USP25: variants seen among roughly 807,000 people sequenced by gnomAD.
The protein encoded by USP25 is ubiquitin carboxyl-terminal hydrolase 25.
A neutral mutation model predicts 158.5 loss-of-function variants in USP25; 85 were observed. That is an observed-to-expected ratio of 0.54 (90% CI 0.45 to 0.64). The LOEUF (loss-of-function observed/expected upper bound fraction) is 0.64, where lower values mean the gene tolerates loss of function less well. USP25 is among the 30% of genes least tolerant of loss of function. USP25 has a pLI of 0.00. For synonymous variants in USP25, 464 were observed against 460.4 expected, an observed-to-expected ratio of 1.01 and a Z score of -0.10; for missense variants, 1,242 against 1,327.3, an observed-to-expected ratio of 0.94 and a Z score of 1.00.
chr21:15,762,978 C>G lies in USP25; in HGVS notation c.123+10C>G, dbSNP rs369042618. ...ACAGCAAGCCTTGAAGGTATGGCCT[C>G]TGTTTTATGATATACAGTTTGTGGT... On this transcript the variant is annotated intron_variant, in intron 2 of 25. Coordinates refer to ENST00000400183, the MANE Select transcript of USP25 (RefSeq NM_001283041.3). 9.5e-5 allele frequency: 153 copies of G among 1,607,516 alleles called. No homozygotes were observed. The African/African-American group carries it at 1.8e-3, about 18-fold the overall frequency.
intron 4 of USP25, among the ~76,000 whole-genome samples, chr21:15,778,484 T>C (rs2034784941): frequency 6.6e-6 from 1 of 152,122 alleles, no homozygotes; most frequent in Admixed American, 6.5e-5. Context: ...TGAGCTTGGC[T>C]GTATCCTAAT....
intron 1 of USP25, among the ~76,000 whole-genome samples, chr21:15,738,097 C>G (rs558279408): frequency 6.6e-6 from 1 of 152,264 alleles, no homozygotes; most frequent in South Asian, 2.1e-4. Context: ...ATGCTCTCTT[C>G]TACTGAATTG....
intron 1 of USP25, among the ~76,000 whole-genome samples, chr21:15,759,353 T>C (rs2033587822): frequency 2.0e-5 from 3 of 152,196 alleles, no homozygotes; most frequent in Admixed American, 2.0e-4. Flanking sequence ...TTGCCAGGGT[T>C]AAGTACGTGC....
At chr21:15,849,234 T>G (rs2038775368) in intron 19 of USP25, among the ~76,000 whole-genome samples, 1 of 152,162 alleles carries the variant, frequency 6.6e-6, no homozygotes, top group African/African-American at 2.4e-5. Context: ...AGTTGTGTGT[T>G]TTGTCGTTTT....
intron 1 of USP25, among the ~76,000 whole-genome samples, chr21:15,746,129 C>G (rs1439906264): frequency 1.3e-5 from 2 of 152,150 alleles, no homozygotes; most frequent in African/African-American, 4.8e-5. Context: ...GTAAATTCTT[C>G]AACTTTGTTC....
chr21:15,773,908 A>G (rs1016398461), intron 3 of USP25, among the ~76,000 whole-genome samples: 22 of 152,206 alleles, frequency 1.4e-4, no homozygotes, highest in African/African-American at 5.3e-4. Flanking sequence ...AATGTCTGCC[A>G]TATTAGAGGA....
chr21:15,872,026 T>TG (rs1285731649), intron 23 of USP25, among the ~76,000 whole-genome samples: 5 of 147,498 alleles, frequency 3.4e-5, no homozygotes, highest in Admixed American at 6.7e-5. Flanking sequence ...TTTTTTTTTT[T>TG]TTTTTTTTTT....
In USP25 at chr21:15,849,781, T is replaced by C. The variant is rs1489325749; in HGVS notation, c.2456T>C (p.Met819Thr). The stretch of plus-strand genomic sequence containing the variant: ...GTTAACTATCTTCTGTGGCAGATCA[T>C]GATGACACCGAACATGCAAGGTATT... ...SKEGGYDDEI[M>T]MTPNMQGIIM... The change falls in exon 20 of 26, where the codon ATG becomes ACG. Residue 819 changes from methionine to threonine, a missense_variant. Met to Thr is a moderately conservative substitution (Grantham distance 81). Transcript: ENST00000400183. 6.5e-7 allele frequency: 1 copy of C among 1,533,456 alleles called. No homozygotes were observed. The highest frequency in any genetic ancestry group is 2.1e-5 in the Admixed American group (1 of 47,370). 95.0% of individuals were successfully genotyped at this position (1,533,456 alleles called of 1,614,324 possible).
intron 9 of USP25, among the ~76,000 whole-genome samples, chr21:15,815,925 TTG>T (rs1193713886): frequency 6.6e-6 from 1 of 152,148 alleles, no homozygotes; most frequent in Non-Finnish European, 1.5e-5. Context: ...CTGTGGACTT[TTG>T]GGTTAATGCT....
At chr21:15,778,995 A>G (rs2034810619) in intron 4 of USP25, among the ~76,000 whole-genome samples, 1 of 152,150 alleles carries the variant, frequency 6.6e-6, no homozygotes, top group South Asian at 2.1e-4. Context: ...TTTCTTTCCA[A>G]ATAATCAGAG....
Position 15,869,322 on chromosome 21 carries a change from A to G in USP25, c.2806-746A>G, listed in dbSNP as rs950844239. ...AACTATGTTTCTTATTTTTGTTTAT[A>G]ATGTTTATATAAAAGCCTTAACACT... On this transcript the variant is annotated intron_variant, in intron 22 of 25. Coordinates refer to ENST00000400183, the MANE Select transcript of USP25 (RefSeq NM_001283041.3). 3.3e-5 allele frequency among the ~76,000 whole-genome samples: 5 copies of G among 151,568 alleles called. 1 individual carries two copies. In the South Asian group the frequency reaches 1.0e-3, roughly 32 times the overall value.
chr21:15,808,251 G>A lies in USP25; in HGVS notation c.781-558G>A, dbSNP rs112575339. Among the ~76,000 whole-genome samples, 322 of 152,194 alleles carry A rather than the reference G, an allele frequency of 2.1e-3. 2 individuals carry two copies. The highest frequency in any genetic ancestry group is 0.014 in the Middle Eastern group (4 of 294). ...TGCCACAACCTATTCCTGTTTTTCC[G>A]TGTTGGGAGAGCAAAGACCAAAGGC... On this transcript the variant is annotated intron_variant, in intron 7 of 25. Coordinates refer to ENST00000400183, the MANE Select transcript of USP25 (RefSeq NM_001283041.3).
chr21:15,740,470 C>T lies in USP25; in HGVS notation c.45+10032C>T, dbSNP rs971377781. Among the ~76,000 whole-genome samples the T allele has an allele frequency of 2.0e-5, 3 of 152,156 alleles. No homozygotes were observed. The East Asian group carries it at 5.8e-4, about 29-fold the overall frequency. On this transcript the variant is annotated intron_variant, in intron 1 of 25. Transcript: ENST00000400183. ...TTTCCTTGTAGAGGAGCTGTCTCCT[C>T]CCTCAGGCTTTTCTGGCCAACATCT...
intron 22 of USP25, among the ~76,000 whole-genome samples, chr21:15,868,701 C>A (rs1436793375): frequency 2.6e-5 from 4 of 152,118 alleles, no homozygotes; most frequent in African/African-American, 9.7e-5. Flanking sequence ...TACATATTGT[C>A]TGTGGATACT....
intron 1 of USP25, among the ~76,000 whole-genome samples, chr21:15,760,823 T>C (rs2123388939): frequency 6.6e-6 from 1 of 152,196 alleles, no homozygotes; most frequent in East Asian, 1.9e-4. Context: ...CTTAAATTCT[T>C]CAGGATATAT....
At chr21:15,760,443 GAC>G (rs1208308748) in intron 1 of USP25, among the ~76,000 whole-genome samples, 1 of 152,288 alleles carries the variant, frequency 6.6e-6, no homozygotes, top group Admixed American at 6.5e-5. Context: ...AGAAAAGAAA[GAC>G]ACTCCAGAGT....
chr21:15,816,515 T>G lies in USP25; in HGVS notation c.932-2183T>G, dbSNP rs936605309. Among the ~76,000 whole-genome samples the G allele has an allele frequency of 6.6e-6, 1 of 152,196 alleles. No individual in the cohort carries two copies. The highest frequency in any genetic ancestry group is 1.9e-4 in the East Asian group (1 of 5,184). On this transcript the variant is annotated intron_variant, in intron 9 of 25. Transcript: ENST00000400183. This position sits in a 1 kb window ranked among gnomAD's most constrained non-coding sequence, Gnocchi z 4.0. Reference sequence around the variant, plus strand: ...CACCATATTCTTGTGGCTTTTTTCCTGCCTCAGTGGGTACTTCTAAGAAAA... The same window carrying G: ...CACCATATTCTTGTGGCTTTTTTCCGGCCTCAGTGGGTACTTCTAAGAAAA...
At chr21:15,743,488 T>C (rs1246821256) in intron 1 of USP25, among the ~76,000 whole-genome samples, 1 of 152,180 alleles carries the variant, frequency 6.6e-6, no homozygotes, top group Admixed American at 6.5e-5. Context: ...CCCCAAAAGC[T>C]GGTAGCCATC....
intron 22 of USP25, among the ~76,000 whole-genome samples, chr21:15,869,849 A>C (rs544673110): frequency 6.6e-6 from 1 of 152,272 alleles, no homozygotes; most frequent in Non-Finnish European, 1.5e-5. Flanking sequence ...AAAACATTTC[A>C]TATCCATGCC....
Sources: allele counts gnomAD v4.1 joint callset (sites outside exome capture counted in the v4.1 genomes callset), GRCh38; gene constraint gnomAD v4.1.1; non-coding constraint Gnocchi (gnomAD v3.1); transcripts MANE v1.5; gene names NCBI Gene and HGNC (gene_info 2026-07-23, HGNC 2026-07-21).